Variants in TFPI2 observed in about 807,000 individuals in gnomAD.
TFPI2 encodes the protein placental protein 5.
TFPI2 carries 23 observed loss-of-function variants against 23.1 expected under a neutral mutation model. The observed-to-expected ratio is 1.00, with a 90% CI of 0.72 to 1.41. The LOEUF is 1.41. TFPI2 is among the 40% of genes most tolerant of loss of function. TFPI2 has a pLI of 0.00. For synonymous variants in TFPI2, 119 were observed against 111.7 expected (o/e 1.07, Z -0.41); for missense variants, 291 against 299.6 (o/e 0.97, Z 0.21).
At position 93,889,913 on chromosome 7, in the gene TFPI2, A is replaced by T. The variant is rs558856867; in HGVS notation, c.271+224T>A. ...AACAAATCTTTCCCTGAGTCCGCACAGGCACTGAATTATGATCAATGTCAG... is the reference window on the plus strand; with the variant it reads ...AACAAATCTTTCCCTGAGTCCGCACTGGCACTGAATTATGATCAATGTCAG... On this transcript the variant is annotated intron_variant, in intron 2 of 4. Transcript: ENST00000222543. 7 of 452,940 alleles carry T rather than the reference A, an allele frequency of 1.5e-5. No homozygotes were observed. The East Asian group carries it at 2.2e-4, about 14-fold the overall frequency. The allele number at this position is 452,940 out of a possible 1,614,324, so 28.1% of individuals were successfully genotyped here. A position where few individuals can be genotyped will look rare whatever the true frequency, so the allele number is the denominator to read the frequency against.
chr7:93,885,552 A>C lies in TFPI2; in HGVS notation c.*1268T>G, dbSNP rs1793972416. 6.6e-6 allele frequency: 1 copy of C among 151,960 alleles called. No individual in the cohort carries two copies. The highest frequency in any genetic ancestry group is 1.5e-5 in the Non-Finnish European group (1 of 67,898). The allele number at this position is 151,960 out of a possible 1,614,324, so 9.4% of individuals were successfully genotyped here. A position where few individuals can be genotyped will look rare whatever the true frequency, so the allele number is the denominator to read the frequency against. On this transcript the variant is annotated 3_prime_UTR_variant, in exon 5 of 5. Transcript: ENST00000222543. ...AAACCTCTATAGGTAAACATTTTTAATATCTTTAGTATCTTCTGTGATGTT... is the reference window on the plus strand; with the variant it reads ...AAACCTCTATAGGTAAACATTTTTACTATCTTTAGTATCTTCTGTGATGTT...
At chr7:93,888,544 A>AGGAAG (rs1446158200) in intron 3 of TFPI2, among the ~76,000 whole-genome samples, 9 of 105,316 alleles carry the variant, frequency 8.5e-5, no homozygotes, top group Non-Finnish European at 1.8e-5. Context: ...AAGGAAGGAA[A>AGGAAG]GAAGGAAGGA....
rs1793997544 is a variant in TFPI2, at chr7:93,886,643, A to G, written c.*177T>C. ...ATTAAAAATGGTAGACTCACATTTGAATAGCAGCTAGTTATATATAAAAAA... is the reference window on the plus strand; with the variant it reads ...ATTAAAAATGGTAGACTCACATTTGGATAGCAGCTAGTTATATATAAAAAA... On this transcript the variant is annotated 3_prime_UTR_variant, in exon 5 of 5. Coordinates refer to ENST00000222543, the MANE Select transcript of TFPI2 (RefSeq NM_006528.4). The G allele has an allele frequency of 2.1e-6, 1 of 480,810 alleles. No homozygotes were observed. Among genetic ancestry groups the G allele is most frequent in the Non-Finnish European group, 3.6e-6 (1 of 278,332 alleles). The allele number at this position is 480,810 out of a possible 1,614,324, so 29.8% of individuals were successfully genotyped here.
intron 3 of TFPI2, 92 bp downstream of exon 3, chr7:93,888,943 T>A: frequency 8.7e-7 from 1 of 1,154,082 alleles, no homozygotes; most frequent in Non-Finnish European, 1.2e-6. Flanking sequence ...ATCATGAAAA[T>A]GCACATGTTA....
rs937890918 is a variant in TFPI2, at chr7:93,889,216, G to A, written c.279C>T (p.Pro93=). The A allele has an allele frequency of 1.9e-6, 3 of 1,577,998 alleles. No individual in the cohort carries two copies. The highest frequency in any genetic ancestry group is 1.9e-5 in the Admixed American group (1 of 52,744). The change falls in exon 3 of 5, where the codon CCC becomes CCT. Residue 93 remains proline, a synonymous_variant. Coordinates refer to ENST00000222543, the MANE Select transcript of TFPI2 (RefSeq NM_006528.4). ...DDACWRIEKV[P]KVCRLQVSVD... Reference sequence around the variant, plus strand: ...CACTCACTTGCAGCCGGCAAACTTTGGGAACTTCTAGGAAAAGGAGGGTAA... The same window carrying A: ...CACTCACTTGCAGCCGGCAAACTTTAGGAACTTCTAGGAAAAGGAGGGTAA...
At chr7:93,886,973 G>A (rs1366838653) in intron 4 of TFPI2, 77 bp from the exon 5 acceptor site, 2 of 1,084,222 alleles carry the variant, frequency 1.8e-6, no homozygotes, top group African/African-American at 3.3e-5. Context: ...TTTCTGATAA[G>A]GTTATTGAGC....
chr7:93,886,789 A>G lies in TFPI2; in HGVS notation c.*31T>C. On this transcript the variant is annotated 3_prime_UTR_variant, in exon 5 of 5. Transcript: ENST00000222543. ...ACAACCATAAAGGCAAATAAGCCAT[A>G]AAGACAAACAAGATGACATATTAAG... 1 of 1,405,212 alleles carries G rather than the reference A, an allele frequency of 7.1e-7. No individual in the cohort carries two copies. 87.0% of individuals were successfully genotyped at this position (1,405,212 alleles called of 1,614,324 possible). A position where few individuals can be genotyped will look rare whatever the true frequency, so the allele number is the denominator to read the frequency against.
intron 1 of TFPI2, 52 bp downstream of exon 1, chr7:93,890,539 G>A: frequency 2.5e-6 from 4 of 1,581,610 alleles, no homozygotes; most frequent in African/African-American, 1.3e-5. Flanking sequence ...CCCATGGCCC[G>A]CTGCGCCCTC....
At position 93,887,374 on chromosome 7, in the gene TFPI2, C is replaced by T. The variant is rs745936067; in HGVS notation, c.518G>A (p.Arg173His). Reference protein sequence around the residue: ...DEGLCSANVTRYYFNPRYRTC... With the variant: ...DEGLCSANVTHYYFNPRYRTC... ...TCTGTATCTTGGATTAAAATAATAGCGAGTCACATTGGCAGAGCACAGTCC... is the reference window on the plus strand; with the variant it reads ...TCTGTATCTTGGATTAAAATAATAGTGAGTCACATTGGCAGAGCACAGTCC... The change falls in exon 4 of 5, where the codon CGC becomes CAC. Residue 173 changes from arginine to histidine, a missense_variant. By Grantham distance (29) the Arg-to-His change is conservative. Coordinates refer to ENST00000222543, the MANE Select transcript of TFPI2 (RefSeq NM_006528.4). The T allele has an allele frequency of 1.5e-5, 25 of 1,613,668 alleles. No homozygotes were observed. The highest frequency in any genetic ancestry group is 1.2e-4 in the African/African-American group (9 of 74,976).
intron 1 of TFPI2, 49 bp from the exon 2 acceptor site, chr7:93,890,368 G>T (rs1226424594): frequency 1.3e-6 from 2 of 1,561,926 alleles, no homozygotes; most frequent in African/African-American, 1.4e-5. Flanking sequence ...GTGGTCAGGC[G>T]TAGCTCCTAG....
intron 4 of TFPI2, 95 bp from the exon 5 acceptor site, chr7:93,886,991 A>G (rs1039005226): frequency 1.0e-6 from 1 of 965,138 alleles, no homozygotes; most frequent in Non-Finnish European, 1.5e-6. Context: ...AGCTCACTTC[A>G]TCTTATTTTT....
intron 1 of TFPI2, 69 bp downstream of exon 1, chr7:93,890,522 A>G: frequency 2.6e-6 from 4 of 1,530,554 alleles, no homozygotes; most frequent in Non-Finnish European, 3.5e-6. Flanking sequence ...GGGCGCCTAC[A>G]CGGGGCCCCA....
rs752739864 is a variant in TFPI2, at chr7:93,890,127, G to A, written c.271+10C>T. 38 of 1,586,624 alleles carry A rather than the reference G, an allele frequency of 2.4e-5. No homozygotes were observed. Among genetic ancestry groups the A allele is most frequent in the Middle Eastern group, 1.7e-4 (1 of 5,960 alleles). On this transcript the variant is annotated intron_variant, in intron 2 of 4. Transcript: ENST00000222543. ...AGCGCGAGAGTCCTGGGTGCGCGCA[G>A]GGCACTTACTTTCTATCCTCCAGCA...
At position 93,886,910 on chromosome 7, in the gene TFPI2, A is replaced by G. The variant is rs761861225; in HGVS notation, c.632-14T>C. The G allele has an allele frequency of 6.6e-7, 1 of 1,517,092 alleles. No individual in the cohort carries two copies. Among genetic ancestry groups the G allele is most frequent in the Admixed American group, 2.4e-5 (1 of 42,144 alleles). 94.0% of individuals were successfully genotyped at this position (1,517,092 alleles called of 1,614,324 possible). Reference sequence around the variant, plus strand: ...TCTTTTTCAAAGCTAAAATCAATAAAACGACAATGAAAATCATACATCTCC... The same window carrying G: ...TCTTTTTCAAAGCTAAAATCAATAAGACGACAATGAAAATCATACATCTCC... On this transcript the variant is annotated splice_polypyrimidine_tract_variant and intron_variant, in intron 4 of 4. Transcript: ENST00000222543.
Position 93,886,898 on chromosome 7 carries a change from TA to T in TFPI2, c.632-3del. On this transcript the variant is annotated splice_polypyrimidine_tract_variant and splice_region_variant and intron_variant, in intron 4 of 4. Transcript: ENST00000222543. ...GCATCTTCTTTTTCTTTTTCAAAGC[TA>T]AAATCAATAAAACGACAATGAAAAT... 1 of 1,538,386 alleles carries T rather than the reference TA, an allele frequency of 6.5e-7. No individual in the cohort carries two copies. Among genetic ancestry groups the T allele is most frequent in the Non-Finnish European group, 8.6e-7 (1 of 1,157,788 alleles).
intron 3 of TFPI2, among the ~76,000 whole-genome samples, chr7:93,887,713 G>A (rs1343605586): frequency 6.6e-6 from 1 of 152,142 alleles, no homozygotes; most frequent in Non-Finnish European, 1.5e-5. Context: ...TACCAGATAT[G>A]GTTAGGTAAA....
chr7:93,886,855 T>G lies in TFPI2; in HGVS notation c.673A>C (p.Ser225Arg), dbSNP rs781548960. The G allele has an allele frequency of 1.5e-5, 23 of 1,552,586 alleles. No homozygotes were observed. The highest frequency in any genetic ancestry group is 1.7e-4 in the Middle Eastern group (1 of 5,926). Reference protein sequence around the residue: ...KKKMPKLRFASRIRKIRKKQF With the variant: ...KKKMPKLRFARRIRKIRKKQF ...TTCTTCCGAATTTTCCGGATTCTAC[T>G]GGCAAAGCGAAGCTTTGGCATCTTC... Residue 225 changes from serine (S) to arginine (R), a missense_variant, in exon 5 of 5, where the codon AGT becomes CGT. By Grantham distance (110) the Ser-to-Arg change is moderately radical (BLOSUM62 -1). Coordinates refer to ENST00000222543, the MANE Select transcript of TFPI2 (RefSeq NM_006528.4).
rs1794074304 is a variant in TFPI2 at position 93,889,133 on chromosome 7, G to T, written c.362C>A (p.Thr121Lys). ...EKYFFNLSSM[T>K]CEKFFSGGCH... is the part of the protein sequence containing the mutation. Reference sequence around the variant, plus strand: ...CCCACCGGAAAAGAATTTTTCACATGTCATGGAACTTAGATTAAAGAAATA... The same window carrying T: ...CCCACCGGAAAAGAATTTTTCACATTTCATGGAACTTAGATTAAAGAAATA... Residue 121 changes from threonine to lysine, a missense_variant, in exon 3 of 5, where the codon ACA (threonine) becomes AAA (lysine). By Grantham distance (78) the Thr-to-Lys change is moderately conservative. Coordinates refer to ENST00000222543, the MANE Select transcript of TFPI2 (RefSeq NM_006528.4). The T allele has an allele frequency of 6.2e-7, 1 of 1,613,280 alleles. No individual in the cohort carries two copies. Among genetic ancestry groups the T allele is most frequent in the Non-Finnish European group, 8.5e-7 (1 of 1,179,788 alleles).
intron 2 of TFPI2, 37 bp from the exon 3 acceptor site, chr7:93,889,260 A>C (rs1004510227): frequency 1.3e-6 from 2 of 1,516,202 alleles, no homozygotes; most frequent in African/African-American, 2.8e-5. Flanking sequence ...TGTTAGTCAA[A>C]AGTAGCCTTC....
Sources: allele counts gnomAD v4.1 joint callset (sites outside exome capture counted in the v4.1 genomes callset), GRCh38; gene constraint gnomAD v4.1.1; transcripts MANE v1.5; gene names NCBI Gene and HGNC (gene_info 2026-07-23, HGNC 2026-07-21).